Variants in ANKRD28 observed in about 807,000 individuals in gnomAD.
ANKRD28 encodes the protein serine/threonine-protein phosphatase 6 regulatory ankyrin repeat subunit A.
In ANKRD28, 44 loss-of-function variants were observed where a neutral mutation model predicts 126.5. The observed-to-expected ratio is 0.35, with a 90% CI of 0.27 to 0.45. The LOEUF is 0.45. ANKRD28 is among the 20% of genes least tolerant of loss of function. The probability of loss-of-function intolerance (pLI) is 1.00; values close to 1 mark genes in which losing one functional copy is unlikely to be tolerated. For missense variants in ANKRD28, 1,110 were observed against 1,316.6 expected (o/e 0.84, Z 2.43); for synonymous variants, 442 against 468.5 (o/e 0.94, Z 0.73).
chr3:15,819,175 G>C (rs1168888400), intron 1 of ANKRD28, among the ~76,000 whole-genome samples: 3 of 152,206 alleles, frequency 2.0e-5, no homozygotes, highest in Admixed American at 2.0e-4. Context: ...CTACTTGGGA[G>C]GCTGAGGTGG....
chr3:15,729,831 C>T (rs1373310834), intron 6 of ANKRD28, among the ~76,000 whole-genome samples: 1 of 152,106 alleles, frequency 6.6e-6, no homozygotes, highest in Non-Finnish European at 1.5e-5. Flanking sequence ...AAAGAAATAT[C>T]TACTATTATG....
chr3:15,677,393 G>C (rs1170070950), intron 25 of ANKRD28, 87 bp downstream of exon 25: 9 of 940,398 alleles, frequency 9.6e-6, no homozygotes, highest in East Asian at 2.5e-5. Flanking sequence ...GTTTGGTCCT[G>C]AGTTGTTCAT....
At chr3:15,728,115 G>C (rs2074316690) in intron 6 of ANKRD28, among the ~76,000 whole-genome samples, 1 of 152,080 alleles carries the variant, frequency 6.6e-6, no homozygotes, top group Non-Finnish European at 1.5e-5. Context: ...TCCATTATCA[G>C]AGATTGTGAC....
intron 14 of ANKRD28, among the ~76,000 whole-genome samples, chr3:15,703,422 A>G (rs9853447): frequency 0.041 from 6,273 of 152,180 alleles, 417 homozygotes; most frequent in African/African-American, 0.14. Context: ...GGCCTTTAGG[A>G]GGTGATTAGG....
intron 6 of ANKRD28, chr3:15,733,539 T>C (rs1405377618): frequency 1.3e-5 from 2 of 152,260 alleles, no homozygotes; most frequent in African/African-American, 2.4e-5. Flanking sequence ...TTCTTAAAAT[T>C]AATCATGCTT....
Position 15,796,546 on chromosome 3 carries a change from C to A in ANKRD28, c.-25G>T. 1.6e-6 allele frequency: 2 copies of A among 1,268,000 alleles called. No homozygotes were observed. The highest frequency in any genetic ancestry group is 2.0e-6 in the Non-Finnish European group (2 of 975,670). The allele number at this position is 1,268,000 out of a possible 1,614,324, so 78.5% of individuals were successfully genotyped here. A position where few individuals can be genotyped will look rare whatever the true frequency, so the allele number is the denominator to read the frequency against. ...TTCGATCTTTTAAAACACTAAATTC[C>A]AAGCTATGTGATAAAAGTCACAGTT... On this transcript the variant is annotated 5_prime_UTR_variant, in exon 1 of 28. Transcript: ENST00000683139.
chr3:15,792,838 T>C (rs2060095933), intron 2 of ANKRD28, among the ~76,000 whole-genome samples: 2 of 152,208 alleles, frequency 1.3e-5, no homozygotes, highest in South Asian at 4.2e-4. Context: ...TAGACACCTA[T>C]TATGTACCCA....
At chr3:15,675,158 T>C (rs944840631) in intron 27 of ANKRD28, among the ~76,000 whole-genome samples, 1 of 152,058 alleles carries the variant, frequency 6.6e-6, no homozygotes, top group African/African-American at 2.4e-5. Flanking sequence ...TAATCCCAGC[T>C]ACCTGGGCAG....
intron 2 of ANKRD28, among the ~76,000 whole-genome samples, chr3:15,769,266 A>G (rs1000180436): frequency 2.0e-5 from 3 of 152,198 alleles, no homozygotes; most frequent in African/African-American, 7.2e-5. Flanking sequence ...CTGCAAATCA[A>G]TTTGAAGAAA....
At chr3:15,762,135 G>A (rs774556355) in intron 3 of ANKRD28, among the ~76,000 whole-genome samples, 105 of 134,590 alleles carry the variant, frequency 7.8e-4, no homozygotes, top group Admixed American at 2.0e-3. Flanking sequence ...GCAGTAAACC[G>A]AGAGATGGTG....
chr3:15,716,311 G>C (rs547136123), intron 8 of ANKRD28, among the ~76,000 whole-genome samples: 5 of 146,182 alleles, frequency 3.4e-5, no homozygotes, highest in African/African-American at 1.0e-4. Flanking sequence ...CCCTTAAAGA[G>C]ATGGGGGTCT....
intron 6 of ANKRD28, among the ~76,000 whole-genome samples, chr3:15,726,425 G>A (rs1004649100): frequency 1.6e-4 from 25 of 152,192 alleles, no homozygotes; most frequent in African/African-American, 5.6e-4. Context: ...AAGTACTAGT[G>A]GTCTGGATAG....
At chr3:15,724,608 T>TA in intron 6 of ANKRD28, 84 bp from the exon 7 acceptor site, 2 of 1,297,156 alleles carry the variant, frequency 1.5e-6, no homozygotes, top group East Asian at 2.5e-5. Flanking sequence ...TAAGCAAATT[T>TA]AAAAAATGCA....
intron 14 of ANKRD28, among the ~76,000 whole-genome samples, chr3:15,702,708 A>G (rs1478496972): frequency 6.6e-6 from 1 of 152,114 alleles, no homozygotes; most frequent in Non-Finnish European, 1.5e-5. Flanking sequence ...GGCTAGTCAG[A>G]GCCCTGGGTA....
At chr3:15,757,615 C>T (rs942565146) in intron 3 of ANKRD28, among the ~76,000 whole-genome samples, 5 of 152,026 alleles carry the variant, frequency 3.3e-5, no homozygotes, top group African/African-American at 4.8e-5. Context: ...GGCCCAAGAG[C>T]GCTCCCTCAC....
intron 14 of ANKRD28, among the ~76,000 whole-genome samples, chr3:15,699,623 CAT>C (rs1200509387): frequency 7.3e-4 from 111 of 152,242 alleles, no homozygotes; most frequent in African/African-American, 2.6e-3. Context: ...AGCCAATAGA[CAT>C]ACAAAAAAAT....
chr3:15,681,655 C>T (rs2067559214), intron 21 of ANKRD28, among the ~76,000 whole-genome samples: 1 of 152,118 alleles, frequency 6.6e-6, no homozygotes, highest in South Asian at 2.1e-4. Flanking sequence ...AAACTTTACC[C>T]TATAATTGTG....
intron 1 of ANKRD28, among the ~76,000 whole-genome samples, chr3:15,803,139 A>T (rs571343134): frequency 2.6e-5 from 4 of 152,336 alleles, no homozygotes; most frequent in Admixed American, 6.5e-5. Context: ...AGAACTCATT[A>T]AAAATTTTTA....
At chr3:15,842,814 T>C (rs1377731853) in intron 1 of ANKRD28, among the ~76,000 whole-genome samples, 1 of 152,192 alleles carries the variant, frequency 6.6e-6, no homozygotes, top group Non-Finnish European at 1.5e-5. Context: ...ACTTGACATA[T>C]GCTGATGGGA....
Sources: gnomAD v4.1 joint callset for allele counts (sites outside exome capture counted in the v4.1 genomes callset) on GRCh38, gnomAD v4.1.1 for gene constraint, MANE v1.5 for transcripts, NCBI Gene and HGNC (gene_info 2026-07-23, HGNC 2026-07-21) for gene names.